Variants in IL21R observed in about 807,000 individuals in gnomAD.
IL21R encodes interleukin 21 receptor, also known as interleukin-21 receptor.
A neutral mutation model predicts 41.3 loss-of-function variants in IL21R; 14 were observed. The observed-to-expected ratio is 0.34, with a 90% CI of 0.22 to 0.53. IL21R has a LOEUF of 0.53. Among genes scored for constraint, IL21R ranks in the 20% least tolerant of loss-of-function variants. IL21R has a pLI of 0.94. For synonymous variants in IL21R, 286 were observed against 287.6 expected, an observed-to-expected ratio of 0.99 and a Z score of 0.05; for missense variants, 588 against 681.6, an observed-to-expected ratio of 0.86 and a Z score of 1.53.
chr16:27,424,120 G>C (rs895309158), intron 1 of IL21R, among the ~76,000 whole-genome samples: 2 of 151,986 alleles, frequency 1.3e-5, no homozygotes, highest in Admixed American at 6.6e-5. Flanking sequence ...TGTCACCCAG[G>C]CTGGAGTGCA....
chr16:27,412,954 C>G (rs550980009), intron 1 of IL21R, among the ~76,000 whole-genome samples: 68 of 152,026 alleles, frequency 4.5e-4, no homozygotes, highest in Non-Finnish European at 7.8e-4. Flanking sequence ...AATTTAGATA[C>G]CTTTTATTTC....
chr16:27,415,553 G>A (rs1017091883), intron 1 of IL21R, among the ~76,000 whole-genome samples: 4 of 152,212 alleles, frequency 2.6e-5, no homozygotes, highest in Admixed American at 2.6e-4. Flanking sequence ...TATCATGAGA[G>A]TGTTTTGGGG....
At chr16:27,418,259 T>C (rs192396228) in intron 1 of IL21R, among the ~76,000 whole-genome samples, 38 of 150,876 alleles carry the variant, frequency 2.5e-4, no homozygotes, top group Admixed American at 6.0e-4. Flanking sequence ...TTAGTAGAGA[T>C]GGGGTTTCAC....
At chr16:27,403,211 G>C in intron 1 of IL21R, 1 of 1,339,258 alleles carries the variant, frequency 7.5e-7, no homozygotes, top group Non-Finnish European at 9.8e-7. Flanking sequence ...CACGGGGAAC[G>C]GGTCGGATGG....
Position 27,444,557 on chromosome 16 carries a change from C to T in IL21R, c.523C>T (p.Leu175=). The T allele has an allele frequency of 6.6e-7, 1 of 1,520,972 alleles. No individual in the cohort carries two copies. Among genetic ancestry groups the T allele is most frequent in the Non-Finnish European group, 8.8e-7 (1 of 1,134,288 alleles). 94.2% of individuals were successfully genotyped at this position (1,520,972 alleles called of 1,614,324 possible). Residue 175 remains leucine (L), a synonymous_variant, in exon 6 of 9, where the codon CTG becomes TTG. Transcript: ENST00000337929. ...GTACTGGCAGAGTCCGAGGAGAAAG[C>T]TGATCTCAGTGGACTCAAGAAGTGT... ...DPWAVSPRRK[L]ISVDSRSVSL...
intron 1 of IL21R, among the ~76,000 whole-genome samples, chr16:27,409,558 G>A (rs2086796403): frequency 6.6e-6 from 1 of 152,016 alleles, no homozygotes; most frequent in South Asian, 2.1e-4. Context: ...GTGTAAGGTA[G>A]GGGTCAAGGT....
chr16:27,413,427 G>T (rs2086849254), intron 1 of IL21R, among the ~76,000 whole-genome samples: 1 of 151,906 alleles, frequency 6.6e-6, no homozygotes, highest in Non-Finnish European at 1.5e-5. Flanking sequence ...TTGTTTTCTT[G>T]CATCTTTGTC....
At chr16:27,407,190 C>T (rs1180996684) in intron 1 of IL21R, among the ~76,000 whole-genome samples, 2 of 152,184 alleles carry the variant, frequency 1.3e-5, no homozygotes, top group East Asian at 3.8e-4. Flanking sequence ...TACAGGTCCC[C>T]TTCTCTGCAC....
chr16:27,429,537 C>T (rs1045334226), intron 1 of IL21R, among the ~76,000 whole-genome samples: 1 of 151,934 alleles, frequency 6.6e-6, no homozygotes, highest in Non-Finnish European at 1.5e-5. Context: ...TTTGAGAGGC[C>T]GAGGTAGGAG....
At chr16:27,441,539 C>A (rs1204827241) in intron 4 of IL21R, among the ~76,000 whole-genome samples, 2 of 152,224 alleles carry the variant, frequency 1.3e-5, no homozygotes, top group African/African-American at 4.8e-5. Context: ...GGCAGCCAGG[C>A]AGGCTCTGTG....
intron 2 of IL21R, among the ~76,000 whole-genome samples, chr16:27,431,543 G>C (rs2087171804): frequency 6.6e-6 from 1 of 152,196 alleles, no homozygotes. Context: ...CTGAATACGT[G>C]AGACTGGGTA....
At chr16:27,425,537 CTCTT>C (rs1414522271) in intron 1 of IL21R, among the ~76,000 whole-genome samples, 2 of 151,582 alleles carry the variant, frequency 1.3e-5, no homozygotes, top group African/African-American at 2.4e-5. Flanking sequence ...ACACTACTCT[CTCTT>C]TTTTTGTGTT....
Position 27,430,113 on chromosome 16 carries a change from C to G in IL21R, c.42C>G (p.Leu14=), listed in dbSNP as rs1177485099. ...CCGCCCCCTTGCTCCTGCTGCTGCT[C>G]CAGGGAGGTAAGTGGCTGCCCCGTG... is the stretch of plus-strand genomic sequence containing the variant. The part of the protein sequence containing the change: ...GWAAPLLLLL[L]QGGWGCPDLV... Residue 14 remains leucine (L), a synonymous_variant, in exon 2 of 9, where the codon CTC becomes CTG. Coordinates refer to ENST00000337929, the MANE Select transcript of IL21R (RefSeq NM_181078.3). The G allele has an allele frequency of 6.2e-7, 1 of 1,604,260 alleles. No individual in the cohort carries two copies. Among genetic ancestry groups the G allele is most frequent in the Non-Finnish European group, 8.5e-7 (1 of 1,179,746 alleles).
chr16:27,447,293 G>A (rs1029249381), intron 8 of IL21R, among the ~76,000 whole-genome samples: 1 of 152,040 alleles, frequency 6.6e-6, no homozygotes, highest in African/African-American at 2.4e-5. Flanking sequence ...TCCTCACGAC[G>A]GCCCTACGGG....
Position 27,448,966 on chromosome 16 carries a change from G to A in IL21R, c.1300G>A (p.Gly434Ser). 6.2e-7 allele frequency: 1 copy of A among 1,613,190 alleles called. No homozygotes were observed. The highest frequency in any genetic ancestry group is 8.5e-7 in the Non-Finnish European group (1 of 1,179,914). ...TVLSCGCVSA[G>S]SPGLGGPLGS... is the part of the protein sequence containing the mutation. ...CCTGTCCTGTGGCTGTGTCTCAGCT[G>A]GCAGCCCTGGGCTAGGAGGGCCCCT... is the stretch of plus-strand genomic sequence containing the variant. Residue 434 changes from glycine to serine, a missense_variant, in exon 9 of 9, where the codon GGC becomes AGC. Coordinates refer to ENST00000337929, the MANE Select transcript of IL21R (RefSeq NM_181078.3).
At position 27,444,717 on chromosome 16, in the gene IL21R, AG is replaced by A. The variant is rs1232510637; in HGVS notation, c.685+1del. ...SDPVIFQTQS[E>X]ELKEGWNPHL... is the part of the protein sequence containing the mutation. ...CCGGTCATCTTTCAGACCCAGTCAG[AG>A]GGTAGGTGTGAAGCTGGGATGGACA... On this transcript the variant is annotated frameshift_variant and splice_region_variant, in exon 6 of 9. Transcript: ENST00000337929. LOFTEE classifies it high-confidence loss of function. 1 of 1,490,656 alleles carries A rather than the reference AG, an allele frequency of 6.7e-7. No individual in the cohort carries two copies. Among genetic ancestry groups the A allele is most frequent in the East Asian group, 2.5e-5 (1 of 39,816 alleles). 92.3% of individuals were successfully genotyped at this position (1,490,656 alleles called of 1,614,324 possible).
At position 27,437,673 on chromosome 16, in the gene IL21R, T is replaced by C; in HGVS notation, c.338T>C (p.Leu113Pro). ...TACTCCCAGGAGTGTGGCAGCTTTCTCCTGGCTGAGAGCAGTGAGTATCCT... is the reference window on the plus strand; with the variant it reads ...TACTCCCAGGAGTGTGGCAGCTTTCCCCTGGCTGAGAGCAGTGAGTATCCT... ...GNYSQECGSFLLAESIKPAPP... is the reference protein window; with the variant it reads ...GNYSQECGSFPLAESIKPAPP... The change falls in exon 4 of 9, where the codon CTC (leucine) becomes CCC (proline). Residue 113 changes from leucine (L) to proline (P), a missense_variant. By Grantham distance (98) the Leu-to-Pro change is moderately conservative. Transcript: ENST00000337929. 6.2e-7 allele frequency: 1 copy of C among 1,614,004 alleles called. No individual in the cohort carries two copies. Among genetic ancestry groups the C allele is most frequent in the Non-Finnish European group, 8.5e-7 (1 of 1,179,910 alleles).
chr16:27,448,779 C>T lies in IL21R; in HGVS notation c.1113C>T (p.Tyr371=), dbSNP rs145529117. 5.3e-5 allele frequency: 86 copies of T among 1,613,618 alleles called. No homozygotes were observed. The African/African-American group carries it at 8.0e-4, about 15-fold the overall frequency. Residue 371 remains tyrosine (Y), a synonymous_variant, in exon 9 of 9, where the codon TAC becomes TAT. Coordinates refer to ENST00000337929, the MANE Select transcript of IL21R (RefSeq NM_181078.3). ...ACAGTGAGGAGAGGGATCGGCCATA[C>T]GGCCTGGTGTCCATTGACACAGTGA... The part of the protein sequence containing the change: ...SAYSEERDRP[Y]GLVSIDTVTV...
At chr16:27,444,321 A>G (rs2087440068) in intron 5 of IL21R, among the ~76,000 whole-genome samples, 1 of 152,032 alleles carries the variant, frequency 6.6e-6, no homozygotes, top group African/African-American at 2.4e-5. Flanking sequence ...TCAAAGAGAA[A>G]TCAAACAGAG....
Sources: gnomAD v4.1 joint callset for allele counts (sites outside exome capture counted in the v4.1 genomes callset) on GRCh38, gnomAD v4.1.1 for gene constraint, MANE v1.5 for transcripts, NCBI Gene and HGNC (gene_info 2026-07-23, HGNC 2026-07-21) for gene names.